BECN1: variants seen among roughly 807,000 people sequenced by gnomAD.
BECN1 encodes the protein beclin 1.
In BECN1, 15 loss-of-function variants were observed where a neutral mutation model predicts 60.1. That is an observed-to-expected ratio of 0.25 (90% CI 0.17 to 0.38). BECN1 has a LOEUF of 0.38. Ranked by LOEUF, BECN1 falls within the 10% of genes least tolerant of loss-of-function variation. BECN1 has a pLI of 1.00. For synonymous variants in BECN1, 179 were observed against 201.8 expected (o/e 0.89, Z 0.96); for missense variants, 424 against 548.2 (o/e 0.77, Z 2.26).
Position 42,818,869 on chromosome 17 carries a change from G to A in BECN1, c.269C>T (p.Ser90Phe), listed in dbSNP as rs2055202574. The A allele has an allele frequency of 6.2e-7, 1 of 1,614,182 alleles. No individual in the cohort carries two copies. Among genetic ancestry groups the A allele is most frequent in the South Asian group, 1.1e-5 (1 of 91,080 alleles). Reference sequence around the variant, plus strand: ...AGTGAAGCTGTTGGCACTTTCTGTGGACATCATCCTGCAGACAGCCCCCCG... The same window carrying A: ...AGTGAAGCTGTTGGCACTTTCTGTGAACATCATCCTGCAGACAGCCCCCCG... ...RRFIPPARMM[S>F]TESANSFTLI... Residue 90 changes from serine to phenylalanine, a missense_variant, in exon 5 of 12, where the codon TCC becomes TTC. Transcript: ENST00000590099.
chr17:42,811,440 C>A, intron 11 of BECN1: 1 of 477,174 alleles, frequency 2.1e-6, no homozygotes, highest in South Asian at 5.8e-5. Flanking sequence ...CCCCCTAAAC[C>A]ATCTAAGGCA....
chr17:42,821,915 TAA>T, intron 2 of BECN1, among the ~76,000 whole-genome samples: 2 of 152,286 alleles, frequency 1.3e-5, no homozygotes, highest in East Asian at 3.9e-4. Flanking sequence ...AAATTGTTAT[TAA>T]AAGAGTTTAA....
intron 10 of BECN1, chr17:42,813,645 T>C (rs2055083817): frequency 4.9e-6 from 1 of 204,536 alleles, no homozygotes; most frequent in African/African-American, 2.3e-5. Flanking sequence ...ATCCAAAATC[T>C]AAAACACTTC....
chr17:42,813,679 T>C (rs2055084326), intron 10 of BECN1: 1 of 261,698 alleles, frequency 3.8e-6, no homozygotes. Flanking sequence ...CCTGTAAACA[T>C]CTATCTCACG....
chr17:42,814,161 T>TAAAA (rs2055096826), intron 9 of BECN1, 153 bp from the exon 10 acceptor site: 1 of 556,766 alleles, frequency 1.8e-6, no homozygotes, highest in African/African-American at 1.9e-5. Flanking sequence ...AATCCATGTT[T>TAAAA]AAAAGATTTT....
intron 11 of BECN1, 147 bp from the exon 12 acceptor site, chr17:42,811,075 G>A (rs1469426417): frequency 2.4e-6 from 2 of 834,020 alleles, no homozygotes; most frequent in Non-Finnish European, 3.5e-6. Context: ...GGATTTGCTT[G>A]AAAGCCAAAA....
chr17:42,811,539 T>C, intron 11 of BECN1, 116 bp downstream of exon 11: 1 of 1,359,834 alleles, frequency 7.4e-7, no homozygotes, highest in Non-Finnish European at 1.0e-6. Context: ...CATGTGATTC[T>C]GTGCCATTTT....
intron 8 of BECN1, chr17:42,815,063 G>A (rs542918702): frequency 2.1e-5 from 4 of 189,020 alleles, no homozygotes; most frequent in Middle Eastern, 2.4e-3. Flanking sequence ...ATTCCCCATG[G>A]TGCAGGAAAA....
chr17:42,814,904 C>A, intron 8 of BECN1: 1 of 548,740 alleles, frequency 1.8e-6, no homozygotes, highest in Non-Finnish European at 3.2e-6. Flanking sequence ...TCAGCTCCTT[C>A]CGTGCAAAAC....
rs1223501531 is a variant in BECN1 at position 42,810,913 on chromosome 17, T to C, written c.1200A>G (p.Lys400=). 6.2e-7 allele frequency: 1 copy of C among 1,609,962 alleles called. No homozygotes were observed. Among genetic ancestry groups the C allele is most frequent in the East Asian group, 2.2e-5 (1 of 44,804 alleles). ...TGCCTCCTGTGTCTTCAATCTTGCC[T>C]TTCTCCACATCCATCCTGCAGATGG... ...FCLPYRMDVE[K]GKIEDTGGSG... The change falls in exon 12 of 12, where the codon AAA becomes AAG. Residue 400 remains lysine, a synonymous_variant. Coordinates refer to ENST00000590099, the MANE Select transcript of BECN1 (RefSeq NM_001313998.2).
chr17:42,816,149 T>C (rs1297192569), intron 7 of BECN1, 95 bp from the exon 8 acceptor site: 80 of 1,275,104 alleles, frequency 6.3e-5, no homozygotes, highest in Non-Finnish European at 8.1e-5. Flanking sequence ...TGATCATCGT[T>C]ACATCTAGCT....
intron 7 of BECN1, among the ~76,000 whole-genome samples, chr17:42,817,403 C>G (rs1485442144): frequency 2.6e-5 from 4 of 152,134 alleles, no homozygotes; most frequent in African/African-American, 9.7e-5. Flanking sequence ...AGTTACTATA[C>G]CCCACTTCCA....
chr17:42,815,914 T>C lies in BECN1; in HGVS notation c.824A>G (p.His275Arg). ...KKTNVFNATF[H>R]IWHSGQFGTI... ...ATCCCCTAGCTCTCATTACCAGATG[T>C]GGAAGGTTGCATTAAAGACGTTGGT... Residue 275 changes from histidine to arginine, a missense_variant, in exon 8 of 12, where the codon CAC becomes CGC. Transcript: ENST00000590099. The C allele has an allele frequency of 1.2e-6, 2 of 1,614,180 alleles. No individual in the cohort carries two copies. The highest frequency in any genetic ancestry group is 1.7e-6 in the Non-Finnish European group (2 of 1,180,030).
chr17:42,818,841 CAG>C lies in BECN1; in HGVS notation c.295_296del (p.Leu99AspfsTer6). On this transcript the variant is annotated frameshift_variant, in exon 5 of 12. Coordinates refer to ENST00000590099, the MANE Select transcript of BECN1 (RefSeq NM_001313998.2). LOFTEE classifies it high-confidence loss of function. ...TGCCGCCATCAGATGCCTCCCCAAT[CAG>C]AGTGAAGCTGTTGGCACTTTCTGTG... is the stretch of plus-strand genomic sequence containing the variant. ...MSTESANSFT[L>X]IGEASDGGTM... is the part of the protein sequence containing the mutation. 6.2e-7 allele frequency: 1 copy of C among 1,614,194 alleles called. No homozygotes were observed. The highest frequency in any genetic ancestry group is 8.5e-7 in the Non-Finnish European group (1 of 1,180,032).
In BECN1 at chr17:42,812,754, G is replaced by A. The variant is rs549018601; in HGVS notation, c.1042-957C>T. The A allele has an allele frequency of 3.4e-5, 5 of 147,998 alleles. No individual in the cohort carries two copies. The South Asian group carries it at 1.1e-3, about 32-fold the overall frequency. 9.2% of individuals were successfully genotyped at this position (147,998 alleles called of 1,614,324 possible). On this transcript the variant is annotated intron_variant, in intron 10 of 11. Transcript: ENST00000590099. ...TAAATAAATAAAAATAATAAAAAAT[G>A]CTACAAAACCTGAAACTTTTTGACC... is the stretch of plus-strand genomic sequence containing the variant.
Position 42,818,671 on chromosome 17 carries a change from C to T in BECN1, c.361G>A (p.Asp121Asn). 3.1e-6 allele frequency: 5 copies of T among 1,614,160 alleles called. No homozygotes were observed. Among genetic ancestry groups the T allele is most frequent in the Non-Finnish European group, 4.2e-6 (5 of 1,180,032 alleles). ...NLSRRLKVTG[D>N]LFDIMSGQTD... ...TGGCCCGACATGATGTCAAAAAGGTCCCCAGTGACCTGGAAGTGTGGGAGA... is the reference window on the plus strand; with the variant it reads ...TGGCCCGACATGATGTCAAAAAGGTTCCCAGTGACCTGGAAGTGTGGGAGA... Residue 121 changes from aspartate to asparagine, a missense_variant, in exon 6 of 12, where the codon GAC becomes AAC. Physicochemically the swap from Asp to Asn is conservative, Grantham distance 23. This residue lies in a region of BECN1 where 326 missense variants were observed against 406.2 expected (regional missense o/e 0.80). Transcript: ENST00000590099.
In BECN1 at chr17:42,818,373, A is replaced by G. The variant is rs1374086384; in HGVS notation, c.531T>C (p.Ser177=). The G allele has an allele frequency of 6.2e-7, 1 of 1,614,084 alleles. No homozygotes were observed. The highest frequency in any genetic ancestry group is 2.2e-5 in the East Asian group (1 of 44,876). ...EILEQMNEDD[S]EQLQMELKEL... is the part of the protein sequence containing the mutation. Reference sequence around the variant, plus strand: ...CCTTTAGCTCCATCTGTAACTGTTCACTGTCATCCTCATTCATTTGCTCTA... The same window carrying G: ...CCTTTAGCTCCATCTGTAACTGTTCGCTGTCATCCTCATTCATTTGCTCTA... Residue 177 remains serine (S), a synonymous_variant, in exon 7 of 12, where the codon AGT becomes AGC. Transcript: ENST00000590099.
At chr17:42,822,563 G>T (rs1453160068) in intron 2 of BECN1, among the ~76,000 whole-genome samples, 1 of 151,998 alleles carries the variant, frequency 6.6e-6, no homozygotes, top group South Asian at 2.1e-4. Context: ...GGATTTTGGG[G>T]TTTTTTATTT....
At chr17:42,818,445 C>T in intron 6 of BECN1, 30 bp from the exon 7 acceptor site, 1 of 1,612,908 alleles carries the variant, frequency 6.2e-7, no homozygotes. Context: ...ACTATACTTA[C>T]TAGAGCTCCA....
Sources: gnomAD v4.1 joint callset for allele counts (sites outside exome capture counted in the v4.1 genomes callset) on GRCh38, gnomAD v4.1.1 for gene constraint, gnomAD v4.1.1 regional missense constraint, MANE v1.5 for transcripts, NCBI Gene and HGNC (gene_info 2026-07-23, HGNC 2026-07-21) for gene names.